MEIOSIN: variants seen among roughly 807,000 people sequenced by gnomAD.
MEIOSIN encodes meiosis initiator.
A neutral mutation model predicts 23.4 loss-of-function variants in MEIOSIN; 18 were observed. That is an observed-to-expected ratio of 0.77 (90% CI 0.53 to 1.14). MEIOSIN has a LOEUF of 1.14. Ranked by LOEUF, MEIOSIN falls within the 50% of genes most tolerant of loss-of-function variation. MEIOSIN has a pLI of 0.00. For missense variants in MEIOSIN, 428 were observed against 242.9 expected, an observed-to-expected ratio of 1.76 and a Z score of -5.07; for synonymous variants, 187 against 100.6, an observed-to-expected ratio of 1.86 and a Z score of -5.14.
At position 45,764,380 on chromosome 19, in the gene MEIOSIN, GAA is replaced by G; in HGVS notation, c.*263_*264del. 1 of 367,408 alleles carries G rather than the reference GAA, an allele frequency of 2.7e-6. No homozygotes were observed. Among genetic ancestry groups the G allele is most frequent in the East Asian group, 3.9e-5 (1 of 25,452 alleles). The allele number at this position is 367,408 out of a possible 1,614,324, so 22.8% of individuals were successfully genotyped here. On this transcript the variant is annotated 3_prime_UTR_variant, in exon 15 of 15. Transcript: ENST00000457052. ...AATGAAATGCGGGGTGTCGGAAGGT[GAA>G]GTTTACCCACCCCTCTCCCCTTCCC...
In MEIOSIN at chr19:45,749,008, G is replaced by T. The variant is rs1276745384; in HGVS notation, c.307-1667G>T. Among the ~76,000 whole-genome samples the T allele has an allele frequency of 3.3e-5, 5 of 151,718 alleles. No homozygotes were observed. The South Asian group carries it at 1.0e-3, about 32-fold the overall frequency. On this transcript the variant is annotated intron_variant, in intron 4 of 14. Coordinates refer to ENST00000457052, the MANE Select transcript of MEIOSIN (RefSeq NM_001310124.2). ...CGCTTGAACCTGGGAGTCAGAGGCT[G>T]CAGTGAGCTGAGATCGTACCACTGC...
intron 4 of MEIOSIN, among the ~76,000 whole-genome samples, chr19:45,746,752 C>T (rs1340130643): frequency 1.3e-5 from 2 of 150,512 alleles, no homozygotes; most frequent in African/African-American, 4.9e-5. Context: ...ACCTGGGAGG[C>T]AGAGGTTGCA....
chr19:45,757,377 T>C (rs1301993382), intron 9 of MEIOSIN, 100 bp downstream of exon 9: 1 of 641,302 alleles, frequency 1.6e-6, no homozygotes. Context: ...GGAAAGGGAA[T>C]GGAGATCCCC....
chr19:45,749,706 A>G (rs979282569), intron 4 of MEIOSIN, among the ~76,000 whole-genome samples: 2 of 149,842 alleles, frequency 1.3e-5, no homozygotes, highest in African/African-American at 4.9e-5. Context: ...AAAAAAAAAA[A>G]ACAAAAAAAG....
intron 3 of MEIOSIN, among the ~76,000 whole-genome samples, chr19:45,743,134 T>C (rs1440190530): frequency 2.7e-4 from 41 of 152,100 alleles, no homozygotes; most frequent in Non-Finnish European, 1.5e-5. Context: ...TGCCAAGACA[T>C]TGGGATTCCC....
In MEIOSIN at chr19:45,735,354, T is replaced by A. The variant is rs1387732128; in HGVS notation, c.1-23T>A. On this transcript the variant is annotated intron_variant, in intron 1 of 14. Coordinates refer to ENST00000457052, the MANE Select transcript of MEIOSIN (RefSeq NM_001310124.2). ...TTCCTGCAATCCCAGAGGTCACTAA[T>A]CATTCTTTTTCCCTCTTTGCAGATG... The A allele has an allele frequency of 7.1e-6, 5 of 702,332 alleles. No homozygotes were observed. The East Asian group carries it at 1.3e-4, about 19-fold the overall frequency. 43.5% of individuals were successfully genotyped at this position (702,332 alleles called of 1,614,324 possible).
chr19:45,758,798 T>C (rs1211993030), intron 9 of MEIOSIN, 80 bp from the exon 10 acceptor site: 1 of 654,608 alleles, frequency 1.5e-6, no homozygotes, highest in Admixed American at 2.3e-5. Context: ...CATCAGGCAC[T>C]ATCTCCTCAA....
chr19:45,755,520 C>T (rs184610240), intron 7 of MEIOSIN, among the ~76,000 whole-genome samples: 300 of 152,234 alleles, frequency 2.0e-3, no homozygotes, highest in Non-Finnish European at 3.2e-3. Context: ...GTGGTGCACT[C>T]TCGGCTACTG....
At chr19:45,754,269 G>A (rs560772075) in intron 6 of MEIOSIN, among the ~76,000 whole-genome samples, 17 of 152,272 alleles carry the variant, frequency 1.1e-4, no homozygotes, top group East Asian at 3.9e-4. Flanking sequence ...GAGCCACTGC[G>A]CCTGGCCAGT....
chr19:45,754,827 G>A (rs1968788927), intron 7 of MEIOSIN, 103 bp downstream of exon 7: 1 of 651,068 alleles, frequency 1.5e-6, no homozygotes, highest in Admixed American at 2.2e-5. Flanking sequence ...GGCTGCAGCA[G>A]TGAATAGGAA....
In MEIOSIN at chr19:45,759,049, G is replaced by A. The variant is rs952825257; in HGVS notation, c.1168+16G>A. 7 of 702,902 alleles carry A rather than the reference G, an allele frequency of 1.0e-5. No individual in the cohort carries two copies. The highest frequency in any genetic ancestry group is 1.8e-5 in the Non-Finnish European group (7 of 384,982). The allele number at this position is 702,902 out of a possible 1,614,324, so 43.5% of individuals were successfully genotyped here. On this transcript the variant is annotated intron_variant, in intron 10 of 14. Coordinates refer to ENST00000457052, the MANE Select transcript of MEIOSIN (RefSeq NM_001310124.2). ...CTGACCCAAGGTGAGGCCCAGGCCT[G>A]GCCCTGATGCTTAGTTCATTCGGGA...
At chr19:45,750,654 C>A (rs1051544361) in intron 4 of MEIOSIN, 21 bp from the exon 5 acceptor site, 1 of 539,108 alleles carries the variant, frequency 1.9e-6, no homozygotes, top group East Asian at 3.3e-5. Flanking sequence ...CCTGGCCAAC[C>A]CTGTCTTTCT....
chr19:45,763,890 G>C lies in MEIOSIN; in HGVS notation c.1770-81G>C, dbSNP rs35692189. ...CTAAAACGGTGGCCCAGGCCCCTGCGGGGACACAGGATTGGGAGTGGTACA... is the reference window on the plus strand; with the variant it reads ...CTAAAACGGTGGCCCAGGCCCCTGCCGGGACACAGGATTGGGAGTGGTACA... On this transcript the variant is annotated intron_variant, in intron 14 of 14. Transcript: ENST00000457052. 6 of 398,270 alleles carry C rather than the reference G, an allele frequency of 1.5e-5. No individual in the cohort carries two copies. In the South Asian group the frequency reaches 6.5e-4, roughly 43 times the overall value. The allele number at this position is 398,270 out of a possible 1,614,324, so 24.7% of individuals were successfully genotyped here.
chr19:45,738,040 G>A (rs561081451), intron 2 of MEIOSIN, among the ~76,000 whole-genome samples: 105 of 152,166 alleles, frequency 6.9e-4, no homozygotes, highest in Non-Finnish European at 1.4e-3. Context: ...ACAGGCGTGA[G>A]CCACCATGTC....
intron 10 of MEIOSIN, 75 bp downstream of exon 10, chr19:45,759,108 C>G: frequency 1.4e-6 from 1 of 691,192 alleles, no homozygotes; most frequent in Non-Finnish European, 2.6e-6. Context: ...CTGGGCCATC[C>G]TGGGTGCCCG....
chr19:45,754,656 G>A lies in MEIOSIN; in HGVS notation c.734G>A (p.Arg245Lys), dbSNP rs948307774. The change falls in exon 7 of 15, where the codon AGA (arginine) becomes AAA (lysine). Residue 245 changes from arginine (R) to lysine (K), a missense_variant. Physicochemically the swap from Arg to Lys is conservative, Grantham distance 26. Transcript: ENST00000457052. ...GCATCATCCTCACCTCCAGGTGACA[G>A]AAAAGGAGGACAGTCCCAGCTGACG... ...RPASSSPPGD[R>K]KGGQSQLTLL... 1 of 703,092 alleles carries A rather than the reference G, an allele frequency of 1.4e-6. No homozygotes were observed. Among genetic ancestry groups the A allele is most frequent in the East Asian group, 2.7e-5 (1 of 37,290 alleles). 43.6% of individuals were successfully genotyped at this position (703,092 alleles called of 1,614,324 possible). A position where few individuals can be genotyped will look rare whatever the true frequency, so the allele number is the denominator to read the frequency against.
At chr19:45,735,302 G>A (rs905145456) in intron 1 of MEIOSIN, 75 bp from the exon 2 acceptor site, 2 of 692,022 alleles carry the variant, frequency 2.9e-6, no homozygotes, top group Admixed American at 2.0e-5. Flanking sequence ...GAAGATGAAG[G>A]GTGCCCATCA....
chr19:45,742,743 G>A (rs1198945507), intron 3 of MEIOSIN, among the ~76,000 whole-genome samples: 1 of 151,974 alleles, frequency 6.6e-6, no homozygotes, highest in Admixed American at 6.6e-5. Context: ...GTTTGCAGAA[G>A]CTGAGATCGC....
intron 4 of MEIOSIN, among the ~76,000 whole-genome samples, chr19:45,747,395 G>A (rs1968614247): frequency 6.6e-6 from 1 of 152,164 alleles, no homozygotes; most frequent in East Asian, 1.9e-4. Flanking sequence ...TCTGGCTGGT[G>A]AATTGCCCCC....
Sources: gnomAD v4.1 joint callset for allele counts (sites outside exome capture counted in the v4.1 genomes callset) on GRCh38, gnomAD v4.1.1 for gene constraint, MANE v1.5 for transcripts, NCBI Gene and HGNC (gene_info 2026-07-23, HGNC 2026-07-21) for gene names.